The following PTPRM variants were observed in gnomAD, a reference collection of about 807,000 sequenced individuals.
PTPRM encodes the protein protein tyrosine phosphatase receptor type M.
A neutral mutation model predicts 186.7 loss-of-function variants in PTPRM; 47 were observed. That is an observed-to-expected ratio of 0.25 (90% CI 0.20 to 0.32). The LOEUF is 0.32. Among genes scored for constraint, PTPRM ranks in the 10% least tolerant of loss-of-function variants. The pLI, the probability that PTPRM is intolerant of heterozygous loss-of-function variation, is 1.00. For synonymous variants in PTPRM, 668 were observed against 674.9 expected, an observed-to-expected ratio of 0.99 and a Z score of 0.16; for missense variants, 1,494 against 1,865.0, an observed-to-expected ratio of 0.80 and a Z score of 3.66.
chr18:7,989,195 A>AT (rs56288638), intron 7 of PTPRM, among the ~76,000 whole-genome samples: 11,097 of 147,916 alleles, frequency 0.075, 506 homozygotes, highest in Middle Eastern at 0.29. Context: ...GGTGTGGCTA[A>AT]TTTTTTTTTT....
chr18:7,833,852 A>G (rs1031235131), intron 2 of PTPRM, among the ~76,000 whole-genome samples: 1 of 152,312 alleles, frequency 6.6e-6, no homozygotes, highest in Non-Finnish European at 1.5e-5. Context: ...TATGAGTTCT[A>G]ATAGGTTTTG....
intron 16 of PTPRM, 94 bp downstream of exon 16, chr18:8,248,013 T>G: frequency 1.5e-6 from 2 of 1,368,408 alleles, no homozygotes; most frequent in Middle Eastern, 1.8e-4. Context: ...TTGAGGGGCT[T>G]ACTGTGTTTG....
At chr18:8,333,296 T>C (rs1351900425) in intron 22 of PTPRM, among the ~76,000 whole-genome samples, 1 of 152,212 alleles carries the variant, frequency 6.6e-6, no homozygotes, top group Non-Finnish European at 1.5e-5. Context: ...CAAATGCAAC[T>C]ATCAAATAAG....
At chr18:7,782,692 G>C (rs1415777283) in intron 2 of PTPRM, among the ~76,000 whole-genome samples, 1 of 152,126 alleles carries the variant, frequency 6.6e-6, no homozygotes, top group Non-Finnish European at 1.5e-5. Context: ...ATACAGTGCT[G>C]TCCTTTTGTG....
intron 2 of PTPRM, among the ~76,000 whole-genome samples, chr18:7,787,882 C>A (rs2043165128): frequency 6.6e-6 from 1 of 152,226 alleles, no homozygotes; most frequent in Admixed American, 6.5e-5. Context: ...AGTCCATAAA[C>A]ATCTCTTCCA....
chr18:7,578,172 A>G (rs540148910), intron 1 of PTPRM, among the ~76,000 whole-genome samples: 2 of 151,970 alleles, frequency 1.3e-5, no homozygotes, highest in East Asian at 3.9e-4. Context: ...GATGATAATG[A>G]TGATTTTTAG....
intron 11 of PTPRM, among the ~76,000 whole-genome samples, chr18:8,111,013 G>A (rs2091730210): frequency 6.6e-6 from 1 of 152,188 alleles, no homozygotes; most frequent in Non-Finnish European, 1.5e-5. Context: ...ATGATTAGGA[G>A]AACTGGCTCT....
At chr18:8,065,031 T>C (rs2088952503) in intron 7 of PTPRM, among the ~76,000 whole-genome samples, 1 of 152,114 alleles carries the variant, frequency 6.6e-6, no homozygotes, top group Non-Finnish European at 1.5e-5. Flanking sequence ...CATTGAGAGG[T>C]AGAAAAGAGA....
intron 2 of PTPRM, among the ~76,000 whole-genome samples, chr18:7,855,391 A>G (rs780171452): frequency 1.3e-5 from 2 of 152,120 alleles, no homozygotes; most frequent in Non-Finnish European, 2.9e-5. Context: ...GCACTCCTCT[A>G]TCTGATGGGA....
chr18:8,271,245 G>C (rs895601785), intron 19 of PTPRM, among the ~76,000 whole-genome samples: 1 of 151,740 alleles, frequency 6.6e-6, no homozygotes, highest in Non-Finnish European at 1.5e-5. Flanking sequence ...AGCATTTTTT[G>C]AGATACAAAA....
At chr18:7,693,877 G>A (rs532166078) in intron 1 of PTPRM, among the ~76,000 whole-genome samples, 10 of 121,322 alleles carry the variant, frequency 8.2e-5, no homozygotes, top group African/African-American at 2.5e-4. Context: ...GCACAGCTAT[G>A]AACAGGAGTA....
At chr18:8,265,560 G>A (rs2094690423) in intron 19 of PTPRM, among the ~76,000 whole-genome samples, 1 of 151,300 alleles carries the variant, frequency 6.6e-6, no homozygotes, top group African/African-American at 2.4e-5. Flanking sequence ...TTTTTCAATG[G>A]AATGATACAA....
chr18:8,080,902 G>A (rs753244165), intron 9 of PTPRM, among the ~76,000 whole-genome samples: 4 of 152,058 alleles, frequency 2.6e-5, no homozygotes, highest in African/African-American at 7.2e-5. Flanking sequence ...CCATCCCATC[G>A]CTCTCCTCCT....
At chr18:8,076,411 ATTGT>A in intron 8 of PTPRM, 40 bp from the exon 9 acceptor site, 1 of 1,189,884 alleles carries the variant, frequency 8.4e-7, no homozygotes, top group South Asian at 1.3e-5. Flanking sequence ...CTACTTTTTA[ATTGT>A]TTATTACTTA....
chr18:8,090,212 G>A (rs548305830), intron 11 of PTPRM, among the ~76,000 whole-genome samples: 2 of 152,246 alleles, frequency 1.3e-5, no homozygotes, highest in East Asian at 1.9e-4. Flanking sequence ...CCATGACCAT[G>A]GCTCAGTCTT....
Position 8,043,235 on chromosome 18 carries a change from A to T in PTPRM, c.1133-26451A>T, listed in dbSNP as rs375378437. Among the ~76,000 whole-genome samples the T allele has an allele frequency of 1.8e-4, 27 of 152,284 alleles. 1 individual carries two copies. The highest frequency in any genetic ancestry group is 1.4e-3 in the East Asian group (7 of 5,176). Reference sequence around the variant, plus strand: ...CTACCAAGCAACAAGGTGCCTGTCTATGGTGGTACCTGGCCCTCTTTCTTA... The same window carrying T: ...CTACCAAGCAACAAGGTGCCTGTCTTTGGTGGTACCTGGCCCTCTTTCTTA... On this transcript the variant is annotated intron_variant, in intron 7 of 32. Transcript: ENST00000580170.
chr18:8,142,239 C>T (rs2092782246), intron 13 of PTPRM, among the ~76,000 whole-genome samples: 1 of 152,090 alleles, frequency 6.6e-6, no homozygotes, highest in Non-Finnish European at 1.5e-5. Flanking sequence ...GTGTTTTTTG[C>T]ATCATGGCTG....
chr18:7,606,723 C>T (rs934822189), intron 1 of PTPRM, among the ~76,000 whole-genome samples: 1 of 152,076 alleles, frequency 6.6e-6, no homozygotes, highest in African/African-American at 2.4e-5. Context: ...AGGCTGTTTC[C>T]CTTGCCCTTC....
rs111821476 is a variant in PTPRM, at chr18:7,983,945, C to G, written c.1132+28531C>G. Among the ~76,000 whole-genome samples, 1,385 of 152,230 alleles carry G rather than the reference C, an allele frequency of 9.1e-3. 19 individuals carry two copies. The highest frequency in any genetic ancestry group is 0.032 in the African/African-American group (1,329 of 41,532). On this transcript the variant is annotated intron_variant, in intron 7 of 32. Transcript: ENST00000580170. ...ACATTTGAGATTTTCATCCATAATGCTAAATTGATGTTATCAAGGTCGGTA... is the reference window on the plus strand; with the variant it reads ...ACATTTGAGATTTTCATCCATAATGGTAAATTGATGTTATCAAGGTCGGTA...
Sources: gnomAD v4.1 joint callset for allele counts (sites outside exome capture counted in the v4.1 genomes callset) on GRCh38, gnomAD v4.1.1 for gene constraint, MANE v1.5 for transcripts, NCBI Gene and HGNC (gene_info 2026-07-23, HGNC 2026-07-21) for gene names.